Variants in TNR observed in about 807,000 individuals in gnomAD.
The protein encoded by TNR is tenascin R.
Under a neutral mutation model 150.4 loss-of-function variants are expected in TNR, and 45 were observed. That is an observed-to-expected ratio of 0.30 (90% confidence interval 0.24 to 0.38). The LOEUF is 0.38. Ranked by LOEUF, TNR falls within the 10% of genes least tolerant of loss-of-function variation. TNR has a pLI of 1.00. For synonymous variants in TNR, 687 were observed against 678.4 expected (o/e 1.01, Z -0.20); for missense variants, 1,544 against 1,759.1 (o/e 0.88, Z 2.19).
intron 1 of TNR, among the ~76,000 whole-genome samples, chr1:175,625,302 A>G (rs10798411): frequency 0.26 from 39,361 of 152,158 alleles, 6,949 homozygotes; most frequent in African/African-American, 0.49. Context: ...AGAGAAACAG[A>G]ATATCATGAA....
intron 1 of TNR, among the ~76,000 whole-genome samples, chr1:175,662,476 C>T (rs1665407814): frequency 6.6e-6 from 1 of 152,184 alleles, no homozygotes. Context: ...ACTGGGCCTC[C>T]CCTAGGGCCC....
At chr1:175,673,984 C>G (rs1043155395) in intron 1 of TNR, among the ~76,000 whole-genome samples, 12 of 152,372 alleles carry the variant, frequency 7.9e-5, no homozygotes, top group Admixed American at 7.8e-4. Context: ...CCCCTTCACC[C>G]TCTCACTGCA....
chr1:175,573,074 A>C (rs1189310119), intron 1 of TNR, among the ~76,000 whole-genome samples: 1 of 152,218 alleles, frequency 6.6e-6, no homozygotes, highest in African/African-American at 2.4e-5. Context: ...ATTTGTTGGC[A>C]GTTTTTAGTG....
At chr1:175,341,885 A>G (rs1335542501) in intron 18 of TNR, among the ~76,000 whole-genome samples, 2 of 152,200 alleles carry the variant, frequency 1.3e-5, no homozygotes, top group Non-Finnish European at 2.9e-5. Flanking sequence ...CCCTTGTTAG[A>G]ATCAATGGCG....
At chr1:175,330,997 G>A (rs1017886741) in intron 20 of TNR, among the ~76,000 whole-genome samples, 4 of 100,308 alleles carry the variant, frequency 4.0e-5, no homozygotes, top group Non-Finnish European at 8.8e-5. Flanking sequence ...CCCTCTTGGT[G>A]ATTCTTTCTT....
At chr1:175,675,325 G>T (rs1435349669) in intron 1 of TNR, among the ~76,000 whole-genome samples, 3 of 152,216 alleles carry the variant, frequency 2.0e-5, no homozygotes, top group African/African-American at 7.2e-5. Flanking sequence ...GGGTAGCACG[G>T]CTTGGCACTG....
intron 1 of TNR, among the ~76,000 whole-genome samples, chr1:175,684,875 T>C (rs1372168573): frequency 1.3e-5 from 2 of 152,212 alleles, no homozygotes; most frequent in Non-Finnish European, 2.9e-5. Flanking sequence ...GTTTTCATCA[T>C]TGAAGCCCCT....
intron 1 of TNR, among the ~76,000 whole-genome samples, chr1:175,698,736 G>A (rs1666602414): frequency 6.6e-6 from 1 of 152,068 alleles, no homozygotes; most frequent in South Asian, 2.1e-4. Context: ...TCAGGAGGCT[G>A]AGGCAGGGGA....
At chr1:175,660,757 A>G (rs996590201) in intron 1 of TNR, among the ~76,000 whole-genome samples, 2 of 152,240 alleles carry the variant, frequency 1.3e-5, no homozygotes, top group African/African-American at 4.8e-5. Context: ...AGAGAGGAAC[A>G]GCTCAAGAAA....
At chr1:175,618,829 C>T (rs546673329) in intron 1 of TNR, among the ~76,000 whole-genome samples, 2 of 152,326 alleles carry the variant, frequency 1.3e-5, no homozygotes, top group African/African-American at 4.8e-5. Flanking sequence ...CTACTTTAGG[C>T]AATGCCATTG....
At position 175,523,256 on chromosome 1, in the gene TNR, G is replaced by A. The variant is rs138774914; in HGVS notation, c.-64+5013C>T. On this transcript the variant is annotated intron_variant, in intron 2 of 22. Transcript: ENST00000367674. The stretch of plus-strand genomic sequence containing the variant: ...CAAAACCTGAAGAACTGCAAAGGTA[G>A]TGGGGCATTGTGGGATAACAAAAAT... 1.3e-3 allele frequency among the ~76,000 whole-genome samples: 196 copies of A among 152,288 alleles called. 1 individual carries two copies. Among genetic ancestry groups the A allele is most frequent in the African/African-American group, 4.6e-3 (192 of 41,554 alleles).
At chr1:175,334,215 CT>C (rs1346482415) in intron 20 of TNR, among the ~76,000 whole-genome samples, 1 of 152,160 alleles carries the variant, frequency 6.6e-6, no homozygotes, top group African/African-American at 2.4e-5. Flanking sequence ...TGGCTGATTC[CT>C]TGCTTCTGGC....
intron 1 of TNR, among the ~76,000 whole-genome samples, chr1:175,731,686 T>G (rs1050200924): frequency 2.6e-5 from 4 of 152,190 alleles, no homozygotes; most frequent in African/African-American, 9.6e-5. Flanking sequence ...TGTTCCCAGA[T>G]CTCACGCTTA....
chr1:175,439,198 C>T (rs1434040908), intron 2 of TNR, among the ~76,000 whole-genome samples: 3 of 150,928 alleles, frequency 2.0e-5, no homozygotes, highest in Admixed American at 6.6e-5. Flanking sequence ...TGGAACAGAA[C>T]AGAGCCCTCA....
chr1:175,663,579 C>G lies in TNR; in HGVS notation c.-165+79647G>C, dbSNP rs549477288. On this transcript the variant is annotated intron_variant, in intron 1 of 22. Transcript: ENST00000367674. ...GATGTGATAGGATGAGAAAAAAAGC[C>G]AACTCTAACCTACAGACAGGGAAAA... 5.5e-4 allele frequency among the ~76,000 whole-genome samples: 83 copies of G among 152,238 alleles called. 1 individual carries two copies. The highest frequency in any genetic ancestry group is 1.9e-3 in the African/African-American group (80 of 41,544).
Position 175,362,666 on chromosome 1 carries a change from T to A in TNR, c.2851A>T (p.Thr951Ser). Residue 951 changes from threonine (T) to serine (S), a missense_variant, in exon 14 of 23, where the codon ACA becomes TCA. Transcript: ENST00000367674. ...ESERICTLVHTAMDNPVDLIA... is the reference protein window; with the variant it reads ...ESERICTLVHSAMDNPVDLIA... ...CACAGCAGGGAGACATTCCCACCTG[T>A]GTGCACAAGAGTACAGATGCGCTCG... 1 of 1,613,636 alleles carries A rather than the reference T, an allele frequency of 6.2e-7. No individual in the cohort carries two copies. Among genetic ancestry groups the A allele is most frequent in the South Asian group, 1.1e-5 (1 of 91,040 alleles).
intron 2 of TNR, among the ~76,000 whole-genome samples, chr1:175,485,966 T>C (rs1314679106): frequency 2.0e-5 from 3 of 152,170 alleles, no homozygotes; most frequent in African/African-American, 7.2e-5. Flanking sequence ...AGCAAAGTGA[T>C]TTAACCTACC....
chr1:175,593,405 C>A (rs1662881959), intron 1 of TNR, among the ~76,000 whole-genome samples: 1 of 118,230 alleles, frequency 8.5e-6, no homozygotes, highest in Non-Finnish European at 1.9e-5. Context: ...CGGAACCAAC[C>A]CAAGCCAACA....
At chr1:175,551,822 T>G (rs1436954425) in intron 1 of TNR, among the ~76,000 whole-genome samples, 1 of 152,174 alleles carries the variant, frequency 6.6e-6, no homozygotes, top group Non-Finnish European at 1.5e-5. Flanking sequence ...AAACAATGAT[T>G]GTAATTAACT....
Sources: gnomAD v4.1 joint callset for allele counts (sites outside exome capture counted in the v4.1 genomes callset) on GRCh38, gnomAD v4.1.1 for gene constraint, MANE v1.5 for transcripts, NCBI Gene and HGNC (gene_info 2026-07-23, HGNC 2026-07-21) for gene names.